CUX1: variants seen among roughly 807,000 people sequenced by gnomAD.
The protein encoded by CUX1 is protein CASP.
CUX1 carries 31 observed loss-of-function variants against 158.8 expected under a neutral mutation model. The observed-to-expected ratio is 0.20, with a 90% CI of 0.15 to 0.26. The LOEUF (loss-of-function observed/expected upper bound fraction) is 0.26, where lower values mean the gene tolerates loss of function less well. CUX1 is among the 10% of genes least tolerant of loss of function. CUX1 has a pLI of 1.00. For missense variants in CUX1, 1,589 were observed against 2,014.6 expected (o/e 0.79, Z 4.04); for synonymous variants, 879 against 862.1 (o/e 1.02, Z -0.34).
chr7:102,037,402 G>T (rs1821564921), intron 3 of CUX1, among the ~76,000 whole-genome samples: 1 of 150,200 alleles, frequency 6.7e-6, no homozygotes, highest in Non-Finnish European at 1.5e-5. Context: ...GCCCAGGCTG[G>T]AATGCAATGG....
At chr7:101,906,282 A>G (rs1243349358) in intron 1 of CUX1, among the ~76,000 whole-genome samples, 1 of 152,000 alleles carries the variant, frequency 6.6e-6, no homozygotes, top group Non-Finnish European at 1.5e-5. Context: ...GGGAGCTGCC[A>G]CGCAGCCACT....
chr7:101,858,968 G>C (rs772948157), intron 1 of CUX1, among the ~76,000 whole-genome samples: 2 of 152,114 alleles, frequency 1.3e-5, no homozygotes, highest in Admixed American at 6.6e-5. Flanking sequence ...CCCTTCATGC[G>C]TTGTGAAAAC....
intron 8 of CUX1, among the ~76,000 whole-genome samples, chr7:102,122,397 T>C (rs1832138428): frequency 6.6e-6 from 1 of 152,158 alleles, no homozygotes; most frequent in African/African-American, 2.4e-5. Context: ...CTTTTTTTTT[T>C]TTCTTCCTGT....
At chr7:101,844,474 C>T (rs1795482619) in intron 1 of CUX1, among the ~76,000 whole-genome samples, 1 of 152,056 alleles carries the variant, frequency 6.6e-6, no homozygotes, top group South Asian at 2.1e-4. Context: ...CAGATTATTC[C>T]CCTGTTTTCT....
intron 1 of CUX1, among the ~76,000 whole-genome samples, chr7:101,830,110 G>A (rs79437358): frequency 1.4e-4 from 21 of 152,248 alleles, no homozygotes; most frequent in East Asian, 1.9e-4. Flanking sequence ...TGAATTGCCC[G>A]TAGATACTGA....
chr7:101,958,640 C>T (rs969392061), intron 2 of CUX1, among the ~76,000 whole-genome samples: 1 of 151,534 alleles, frequency 6.6e-6, no homozygotes, highest in African/African-American at 2.4e-5. Flanking sequence ...ACCACCATGC[C>T]TGGCTAATTT....
Position 102,201,201 on chromosome 7 carries a change from T to C in CUX1, c.2063-159T>C, listed in dbSNP as rs528042772. On this transcript the variant is annotated intron_variant, in intron 17 of 23. Coordinates refer to ENST00000292535, the MANE Select transcript of CUX1 (RefSeq NM_181552.4). The surrounding 1 kb of genome is among the most constrained non-coding windows in gnomAD (Gnocchi z 5.0). ...GCCCTGGTCCTTGGTTGAGACAAGA[T>C]GCCTGAATGTTTCACTGACAGGGGC... Among the ~76,000 whole-genome samples, 1 of 152,154 alleles carries C rather than the reference T, an allele frequency of 6.6e-6. No homozygotes were observed. The highest frequency in any genetic ancestry group is 2.4e-5 in the African/African-American group (1 of 41,506).
intron 2 of CUX1, among the ~76,000 whole-genome samples, chr7:101,917,657 A>G (rs1483032264): frequency 6.6e-6 from 1 of 152,176 alleles, no homozygotes; most frequent in African/African-American, 2.4e-5. Flanking sequence ...GCTTCAGAGC[A>G]GACTTTCCTG....
At chr7:102,020,299 A>G (rs1009544377) in intron 2 of CUX1, among the ~76,000 whole-genome samples, 4 of 152,228 alleles carry the variant, frequency 2.6e-5, no homozygotes, top group Admixed American at 6.5e-5. Context: ...TGATGGTTAT[A>G]TGGTTCATCT....
At chr7:102,011,170 G>A (rs1383096014) in intron 2 of CUX1, among the ~76,000 whole-genome samples, 1 of 152,062 alleles carries the variant, frequency 6.6e-6, no homozygotes. Flanking sequence ...CTTTGTTCGA[G>A]TAAGCCGTCT....
At chr7:102,226,663 C>G (rs1195835127) in intron 20 of CUX1, among the ~76,000 whole-genome samples, 1 of 152,208 alleles carries the variant, frequency 6.6e-6, no homozygotes, top group Non-Finnish European at 1.5e-5. Context: ...CTCACTCTCA[C>G]TCTGTCACCC....
intron 21 of CUX1, among the ~76,000 whole-genome samples, chr7:102,282,117 G>A (rs1792121450): frequency 6.6e-6 from 1 of 152,134 alleles, no homozygotes; most frequent in Admixed American, 6.5e-5. Flanking sequence ...TGGGACCTCT[G>A]GCCAGGGCAC....
chr7:102,190,569 C>T (rs1019752698), intron 12 of CUX1, among the ~76,000 whole-genome samples: 5 of 152,164 alleles, frequency 3.3e-5, no homozygotes, highest in African/African-American at 9.7e-5. Flanking sequence ...TCCCCTGGAT[C>T]GTCAGCCATT....
chr7:101,963,152 C>T (rs928385585), intron 2 of CUX1, among the ~76,000 whole-genome samples: 1 of 152,178 alleles, frequency 6.6e-6, no homozygotes, highest in Non-Finnish European at 1.5e-5. Context: ...TCTAAACCAC[C>T]CCCTTCTCTC....
At chr7:101,865,639 C>T (rs1248309655) in intron 1 of CUX1, among the ~76,000 whole-genome samples, 1 of 152,212 alleles carries the variant, frequency 6.6e-6, no homozygotes, top group Admixed American at 6.5e-5. Context: ...TTCATTCTTA[C>T]GCAGTTGGTA....
chr7:102,130,523 A>G lies in CUX1; in HGVS notation c.674+15250A>G, dbSNP rs577357997. On this transcript the variant is annotated intron_variant, in intron 8 of 23. Transcript: ENST00000292535. ...TAGCAAAACCCCATCTCTACTAAAA[A>G]CACAAAAATTAGCTGGGCGTGGTGA... is the stretch of plus-strand genomic sequence containing the variant. Among the ~76,000 whole-genome samples the G allele has an allele frequency of 2.0e-5, 3 of 152,104 alleles. No homozygotes were observed. In the South Asian group the frequency reaches 6.2e-4, roughly 32 times the overall value.
rs1797959359 is a variant in CUX1 at position 102,222,851 on chromosome 7, A to C, written c.3131-4516A>C. ...TTTTTTTTTTTTGAGACAGAGTCTC[A>C]CTCTGTTGCCCAGGCTGGAATGCAA... On this transcript the variant is annotated intron_variant, in intron 20 of 23. Transcript: ENST00000292535. Among the ~76,000 whole-genome samples, 3 of 22,526 alleles carry C rather than the reference A, an allele frequency of 1.3e-4. 1 individual carries two copies. Among genetic ancestry groups the C allele is most frequent in the African/African-American group, 1.9e-4 (1 of 5,364 alleles). The allele number at this position is 22,526 out of a possible 152,430, so 14.8% of individuals were successfully genotyped here. A position where few individuals can be genotyped will look rare whatever the true frequency, so the allele number is the denominator to read the frequency against.
chr7:102,018,455 A>C (rs1241929827), intron 2 of CUX1, among the ~76,000 whole-genome samples: 1 of 152,216 alleles, frequency 6.6e-6, no homozygotes, highest in Non-Finnish European at 1.5e-5. Flanking sequence ...GGGCTAGCCC[A>C]GGACACATGG....
intron 4 of CUX1, among the ~76,000 whole-genome samples, chr7:102,074,679 G>C (rs1233987893): frequency 2.0e-5 from 3 of 152,202 alleles, no homozygotes; most frequent in Admixed American, 1.3e-4. Flanking sequence ...GACTCTCAGA[G>C]CTTTGTCCCT....
Sources: gnomAD v4.1 joint callset for allele counts (sites outside exome capture counted in the v4.1 genomes callset) on GRCh38, gnomAD v4.1.1 for gene constraint, Gnocchi (gnomAD v3.1) non-coding constraint, MANE v1.5 for transcripts, NCBI Gene and HGNC (gene_info 2026-07-23, HGNC 2026-07-21) for gene names.